Variants in PCDH9 observed in about 807,000 individuals in gnomAD.
The protein encoded by PCDH9 is protocadherin-9.
In PCDH9, 24 loss-of-function variants were observed where a neutral mutation model predicts 70.6. The observed-to-expected ratio is 0.34, with a 90% confidence interval of 0.25 to 0.48. PCDH9 has a LOEUF of 0.48. Among genes scored for constraint, PCDH9 ranks in the 20% least tolerant of loss-of-function variants. PCDH9 has a pLI of 0.99. For synonymous variants in PCDH9, 562 were observed against 558.5 expected, an observed-to-expected ratio of 1.01 and a Z score of -0.09; for missense variants, 1,281 against 1,503.6, an observed-to-expected ratio of 0.85 and a Z score of 2.45.
At chr13:67,111,640 C>T (rs1335024043) in intron 2 of PCDH9, among the ~76,000 whole-genome samples, 1 of 152,088 alleles carries the variant, frequency 6.6e-6, no homozygotes, top group African/African-American at 2.4e-5. Context: ...TTTTGCCACT[C>T]ATACTTCTAA....
chr13:67,051,382 ATTTTTTTTTTTT>A (rs567408801), intron 2 of PCDH9, among the ~76,000 whole-genome samples: 10 of 71,012 alleles, frequency 1.4e-4, no homozygotes, highest in African/African-American at 6.3e-4. Context: ...ACAATACAAG[ATTTTTTTTTTTT>A]TTTTTTTTTT....
intron 3 of PCDH9, among the ~76,000 whole-genome samples, chr13:66,724,068 A>G (rs186114009): frequency 1.1e-4 from 16 of 152,332 alleles, no homozygotes; most frequent in Admixed American, 7.2e-4. Context: ...GGCAAAATTA[A>G]TCAATTATCA....
intron 4 of PCDH9, among the ~76,000 whole-genome samples, chr13:66,516,169 T>C (rs1188061315): frequency 2.0e-5 from 3 of 152,012 alleles, no homozygotes; most frequent in Non-Finnish European, 4.4e-5. Flanking sequence ...AGAAGTACTG[T>C]ACAATAGATA....
intron 4 of PCDH9, among the ~76,000 whole-genome samples, chr13:66,540,735 A>G (rs1302266177): frequency 6.6e-6 from 1 of 152,200 alleles, no homozygotes; most frequent in Non-Finnish European, 1.5e-5. Context: ...CCTTAGATAT[A>G]CAATAAACCA....
chr13:66,719,945 A>G (rs971002701), intron 3 of PCDH9, among the ~76,000 whole-genome samples: 7 of 152,216 alleles, frequency 4.6e-5, no homozygotes, highest in African/African-American at 1.7e-4. Context: ...CAAGCGTGGC[A>G]GTTCCACAGA....
intron 3 of PCDH9, among the ~76,000 whole-genome samples, chr13:66,773,681 A>G (rs1451144904): frequency 6.6e-6 from 1 of 151,762 alleles, no homozygotes; most frequent in Non-Finnish European, 1.5e-5. Context: ...TTTAATTATA[A>G]TAAACATAAA....
intron 3 of PCDH9, among the ~76,000 whole-genome samples, chr13:66,873,918 C>CTTTTTTTTTTTTTTTTTTTTCTTTTT (rs796944538): frequency 7.7e-6 from 1 of 130,140 alleles, no homozygotes; most frequent in African/African-American, 2.8e-5. Flanking sequence ...CTTTTCGTTT[C>CTTTTTTTTTTTTTTTTTTTTCTTTTT]TTTTTTTTTT....
intron 2 of PCDH9, among the ~76,000 whole-genome samples, chr13:66,977,864 A>C (rs1449338758): frequency 6.6e-6 from 1 of 152,174 alleles, no homozygotes; most frequent in Non-Finnish European, 1.5e-5. Flanking sequence ...CAGATTTCGC[A>C]TAGAAAATAG....
chr13:66,431,094 T>C (rs17081279), intron 4 of PCDH9, among the ~76,000 whole-genome samples: 2,274 of 152,174 alleles, frequency 0.015, 50 homozygotes, highest in East Asian at 0.079. Context: ...GCCATGTGCA[T>C]GTAGGTCCTA....
intron 4 of PCDH9, among the ~76,000 whole-genome samples, chr13:66,420,045 C>A (rs1023983421): frequency 2.0e-5 from 3 of 152,144 alleles, no homozygotes; most frequent in African/African-American, 7.2e-5. Context: ...AAAGTGGAAA[C>A]AAAGCCACAG....
At position 67,226,478 on chromosome 13, in the gene PCDH9, G is replaced by C; in HGVS notation, c.1963C>G (p.Arg655Gly). Reference protein sequence around the residue: ...VKATDGGQPPRSSTAKVTINV... With the variant: ...VKATDGGQPPGSSTAKVTINV... ...ATAGTTACTTTTGCAGTAGAGGAAC[G>C]AGGTGGTTGTCCTCCATCAGTGGCT... The change falls in exon 2 of 5, where the codon CGT (arginine) becomes GGT (glycine). Residue 655 changes from arginine (R) to glycine (G), a missense_variant. By Grantham distance (125) the Arg-to-Gly change is moderately radical. Coordinates refer to ENST00000377865, the MANE Select transcript of PCDH9 (RefSeq NM_203487.3). This position sits in a 1 kb window ranked among gnomAD's most constrained non-coding sequence, Gnocchi z 5.0. 6.2e-7 allele frequency: 1 copy of C among 1,613,966 alleles called. No individual in the cohort carries two copies. Among genetic ancestry groups the C allele is most frequent in the Non-Finnish European group, 8.5e-7 (1 of 1,179,846 alleles).
chr13:66,466,663 C>T (rs1958518667), intron 4 of PCDH9, among the ~76,000 whole-genome samples: 2 of 152,158 alleles, frequency 1.3e-5, no homozygotes, highest in Middle Eastern at 6.8e-3. Flanking sequence ...ATTCTTCCTG[C>T]TACTTTCTAA....
intron 3 of PCDH9, among the ~76,000 whole-genome samples, chr13:66,686,626 T>C (rs2078406691): frequency 1.3e-5 from 2 of 152,204 alleles, no homozygotes; most frequent in South Asian, 2.1e-4. Flanking sequence ...TTATCTACTA[T>C]GTCTGTGTGA....
intron 2 of PCDH9, among the ~76,000 whole-genome samples, chr13:67,188,751 G>A (rs943127515): frequency 6.6e-6 from 1 of 152,024 alleles, no homozygotes; most frequent in South Asian, 2.1e-4. Context: ...TAAACTGAAA[G>A]TTCCTTTTTA....
chr13:66,417,374 T>A (rs1459185709), intron 4 of PCDH9, among the ~76,000 whole-genome samples: 1 of 152,206 alleles, frequency 6.6e-6, no homozygotes, highest in Non-Finnish European at 1.5e-5. Context: ...TTTTTATGGC[T>A]GCATAGTATT....
At chr13:67,223,798 C>T (rs2089786439) in intron 2 of PCDH9, 1 of 151,904 alleles carries the variant, frequency 6.6e-6, no homozygotes, top group South Asian at 2.1e-4. Context: ...TCCTTTCTTC[C>T]TGTGTATTTA....
chr13:66,340,506 A>G (rs1956107443), intron 4 of PCDH9, among the ~76,000 whole-genome samples: 1 of 152,232 alleles, frequency 6.6e-6, no homozygotes, highest in South Asian at 2.1e-4. Context: ...CATTTCAGCT[A>G]TGCCCATAGA....
At chr13:67,171,968 C>T (rs2088298753) in intron 2 of PCDH9, among the ~76,000 whole-genome samples, 1 of 152,166 alleles carries the variant, frequency 6.6e-6, no homozygotes, top group Non-Finnish European at 1.5e-5. Flanking sequence ...ATTCAAAACA[C>T]TAAGAGAGCA....
At chr13:66,833,726 G>GA (rs1212370539) in intron 3 of PCDH9, among the ~76,000 whole-genome samples, 6 of 151,882 alleles carry the variant, frequency 4.0e-5, no homozygotes, top group Admixed American at 6.6e-5. Context: ...ACTTCATATA[G>GA]AAAAAAAATC....
Sources: allele counts gnomAD v4.1 joint callset (sites outside exome capture counted in the v4.1 genomes callset), GRCh38; gene constraint gnomAD v4.1.1; non-coding constraint Gnocchi (gnomAD v3.1); transcripts MANE v1.5; gene names NCBI Gene and HGNC (gene_info 2026-07-23, HGNC 2026-07-21).